The following IRF5 variants were observed in gnomAD, a reference collection of about 807,000 sequenced individuals.
IRF5 encodes the protein interferon regulatory factor 5.
IRF5 carries 24 observed loss-of-function variants against 55.1 expected under a neutral mutation model. That is an observed-to-expected ratio of 0.44 (90% CI 0.32 to 0.61). IRF5 has a LOEUF of 0.61. IRF5 is among the 20% of genes least tolerant of loss of function. The pLI is 0.07. For missense variants in IRF5, 499 were observed against 658.5 expected (o/e 0.76, Z 2.65); for synonymous variants, 258 against 260.2 (o/e 0.99, Z 0.08).
intron 1 of IRF5, among the ~76,000 whole-genome samples, chr7:128,939,199 C>G (rs1795893318): frequency 6.6e-6 from 1 of 152,104 alleles, no homozygotes; most frequent in African/African-American, 2.4e-5. Flanking sequence ...CAAGACCTCC[C>G]CTTCCTGCCC....
chr7:128,943,294 G>A (rs536632041), intron 2 of IRF5, among the ~76,000 whole-genome samples: 181 of 151,146 alleles, frequency 1.2e-3, no homozygotes, highest in Admixed American at 0.011. Context: ...GCCTCCCAGA[G>A]TGCTGGGATT....
chr7:128,946,828 G>A lies in IRF5; in HGVS notation c.448-195G>A. On this transcript the variant is annotated intron_variant, in intron 4 of 8. Coordinates refer to ENST00000357234, the MANE Select transcript of IRF5 (RefSeq NM_001098629.3). This position sits in a 1 kb window ranked among gnomAD's most constrained non-coding sequence, Gnocchi z 4.2. ...CCTGCAGAAGGCAAATGAGGAAAGT[G>A]AGGCAAAGGGCTTTTCTGACCTGCC... 1 of 702,154 alleles carries A rather than the reference G, an allele frequency of 1.4e-6. No homozygotes were observed. Among genetic ancestry groups the A allele is most frequent in the Non-Finnish European group, 2.5e-6 (1 of 405,688 alleles). 43.5% of individuals were successfully genotyped at this position (702,154 alleles called of 1,614,324 possible). A position where few individuals can be genotyped will look rare whatever the true frequency, so the allele number is the denominator to read the frequency against.
chr7:128,947,354 G>A lies in IRF5; in HGVS notation c.606G>A (p.Pro202=), dbSNP rs779451006. The part of the protein sequence containing the change: ...PPTLQPPTLQ[P]PVVLGPPAPD... ...CTCTGCAGCCGCCCACTCTGCAGCC[G>A]CCCGTGGTGCTGGGTCCCCCTGCTC... The change falls in exon 6 of 9, where the codon CCG becomes CCA. Residue 202 remains proline, a synonymous_variant. Transcript: ENST00000357234. This position sits in a 1 kb window ranked among gnomAD's most constrained non-coding sequence, Gnocchi z 6.5. The A allele has an allele frequency of 3.3e-5, 53 of 1,606,952 alleles. No individual in the cohort carries two copies. In the South Asian group the frequency reaches 4.5e-4, roughly 14 times the overall value.
intron 2 of IRF5, among the ~76,000 whole-genome samples, 186 bp downstream of exon 2, chr7:128,942,462 T>TA (rs1288323402): frequency 2.0e-5 from 3 of 151,808 alleles, no homozygotes; most frequent in Non-Finnish European, 4.4e-5. Flanking sequence ...TTCCTTTTTT[T>TA]TTTTTTTTAA....
intron 1 of IRF5, among the ~76,000 whole-genome samples, chr7:128,939,739 G>T (rs1795922610): frequency 6.6e-6 from 1 of 152,204 alleles, no homozygotes; most frequent in Non-Finnish European, 1.5e-5. Context: ...ACCTCAGCAG[G>T]TCCTCTAGGG....
At chr7:128,942,379 C>T (rs1354542803) in intron 2 of IRF5, 103 bp downstream of exon 2, 3 of 979,514 alleles carry the variant, frequency 3.1e-6, no homozygotes, top group Non-Finnish European at 4.5e-6. Context: ...TGGCCACCCG[C>T]CCAGCTACCA....
chr7:128,944,555 T>A (rs1176452135), intron 2 of IRF5, among the ~76,000 whole-genome samples: 3 of 152,190 alleles, frequency 2.0e-5, no homozygotes, highest in Non-Finnish European at 4.4e-5. Context: ...AAAGTCTCCC[T>A]CCTTCCCTGG....
intron 2 of IRF5, 112 bp downstream of exon 2, chr7:128,942,388 C>T: frequency 3.5e-6 from 3 of 868,140 alleles, no homozygotes; most frequent in Non-Finnish European, 5.2e-6. Context: ...GCCCAGCTAC[C>T]ATGCTGCTGC....
At position 128,947,007 on chromosome 7, in the gene IRF5, G is replaced by T. The variant is rs770852885; in HGVS notation, c.448-16G>T. ...TCTCCCATCTCTTCCCTCCCTTGCT[G>T]GTGGTGTCCCTTCAGCTGCAGAGGA... On this transcript the variant is annotated splice_polypyrimidine_tract_variant and intron_variant, in intron 4 of 8. Coordinates refer to ENST00000357234, the MANE Select transcript of IRF5 (RefSeq NM_001098629.3). This position sits in a 1 kb window ranked among gnomAD's most constrained non-coding sequence, Gnocchi z 6.5. 3.3e-5 allele frequency: 53 copies of T among 1,613,936 alleles called. No homozygotes were observed. The South Asian group carries it at 3.6e-4, about 11-fold the overall frequency.
intron 2 of IRF5, 111 bp downstream of exon 2, chr7:128,942,387 C>T (rs1052528343): frequency 4.5e-6 from 4 of 887,524 alleles, no homozygotes; most frequent in Admixed American, 2.7e-5. Flanking sequence ...CGCCCAGCTA[C>T]CATGCTGCTG....
Position 128,942,112 on chromosome 7 carries a change from C to G in IRF5, c.31C>G (p.Pro11Ala), listed in dbSNP as rs760492792. The stretch of plus-strand genomic sequence containing the variant: ...CCAGTCCATCCCAGTGGCTCCCACC[C>G]CACCCCGCCGCGTGCGGCTGAAGCC... MNQSIPVAPTPPRRVRLKPWL... is the reference protein window; with the variant it reads MNQSIPVAPTAPRRVRLKPWL... The change falls in exon 2 of 9, where the codon CCA becomes GCA. Residue 11 changes from proline (P) to alanine (A), a missense_variant. Coordinates refer to ENST00000357234, the MANE Select transcript of IRF5 (RefSeq NM_001098629.3). The G allele has an allele frequency of 3.1e-6, 5 of 1,611,026 alleles. No individual in the cohort carries two copies. Among genetic ancestry groups the G allele is most frequent in the Non-Finnish European group, 4.2e-6 (5 of 1,178,982 alleles).
chr7:128,942,074 C>T lies in IRF5; in HGVS notation c.-8C>T, dbSNP rs1199400579. Reference sequence around the variant, plus strand: ...CCCCTCTGGCTTTCTCCTGCAGACCCCTCTGCCATGAACCAGTCCATCCCA... The same window carrying T: ...CCCCTCTGGCTTTCTCCTGCAGACCTCTCTGCCATGAACCAGTCCATCCCA... On this transcript the variant is annotated 5_prime_UTR_variant, in exon 2 of 9. Transcript: ENST00000357234. 6.3e-7 allele frequency: 1 copy of T among 1,597,476 alleles called. No homozygotes were observed. Among genetic ancestry groups the T allele is most frequent in the Non-Finnish European group, 8.5e-7 (1 of 1,171,468 alleles).
At chr7:128,945,412 AACCCCTTGAGTCTTCGCTGCC>A (rs1796244196) in intron 2 of IRF5, among the ~76,000 whole-genome samples, 1 of 152,150 alleles carries the variant, frequency 6.6e-6, no homozygotes, top group African/African-American at 2.4e-5. Context: ...AGCCAACATC[AACCCCTTGAGTCTTCGCTGCC>A]ACTCCATGAG....
chr7:128,947,190 GGA>G lies in IRF5; in HGVS notation c.482-38_482-37del. On this transcript the variant is annotated intron_variant, in intron 5 of 8. Coordinates refer to ENST00000357234, the MANE Select transcript of IRF5 (RefSeq NM_001098629.3). The surrounding 1 kb of genome is among the most constrained non-coding windows in gnomAD (Gnocchi z 6.5). ...GAGGTGTGCCTGGGAGGCAGTTCGT[GGA>G]GGTGGCACTGACAGCCGTCCACACG... 4.4e-6 allele frequency: 7 copies of G among 1,599,360 alleles called. No individual in the cohort carries two copies. Among genetic ancestry groups the G allele is most frequent in the Non-Finnish European group, 6.0e-6 (7 of 1,171,530 alleles).
At position 128,948,937 on chromosome 7, in the gene IRF5, G is replaced by A; in HGVS notation, c.*119G>A. Reference sequence around the variant, plus strand: ...CAGGGTCCTACCTCTGGGTTTCCTGGAAGTGGATTTGGGCCAAGAAGGAGA... The same window carrying A: ...CAGGGTCCTACCTCTGGGTTTCCTGAAAGTGGATTTGGGCCAAGAAGGAGA... On this transcript the variant is annotated 3_prime_UTR_variant, in exon 9 of 9. Coordinates refer to ENST00000357234, the MANE Select transcript of IRF5 (RefSeq NM_001098629.3). The surrounding 1 kb of genome is among the most constrained non-coding windows in gnomAD (Gnocchi z 4.6). 2 of 1,302,468 alleles carry A rather than the reference G, an allele frequency of 1.5e-6. No homozygotes were observed. Among genetic ancestry groups the A allele is most frequent in the South Asian group, 2.9e-5 (2 of 69,016 alleles). The allele number at this position is 1,302,468 out of a possible 1,614,324, so 80.7% of individuals were successfully genotyped here.
rs1217467958 is a variant in IRF5 at position 128,947,940 on chromosome 7, G to A, written c.999G>A (p.Leu333=). The A allele has an allele frequency of 1.2e-6, 2 of 1,614,170 alleles. No homozygotes were observed. Among genetic ancestry groups the A allele is most frequent in the Admixed American group, 3.3e-5 (2 of 60,032 alleles). Residue 333 remains leucine (L), a synonymous_variant, in exon 7 of 9, where the codon CTG becomes CTA. Transcript: ENST00000357234. This position sits in a 1 kb window ranked among gnomAD's most constrained non-coding sequence, Gnocchi z 6.5. ...SDKQRFYTNQ[L]LDVLDRGLIL... ...AGCAGCGCTTCTACACGAACCAGCTGCTGGATGTCCTGGACCGCGGGCTCA... is the reference window on the plus strand; with the variant it reads ...AGCAGCGCTTCTACACGAACCAGCTACTGGATGTCCTGGACCGCGGGCTCA...
intron 2 of IRF5, among the ~76,000 whole-genome samples, chr7:128,944,158 C>G (rs1281050362): frequency 6.6e-6 from 1 of 152,216 alleles, no homozygotes; most frequent in Non-Finnish European, 1.5e-5. Context: ...ATATCAGGAT[C>G]AGCTTTCCTT....
chr7:128,939,069 G>T (rs1424613636), intron 1 of IRF5, among the ~76,000 whole-genome samples: 1 of 151,128 alleles, frequency 6.6e-6, no homozygotes, highest in Non-Finnish European at 1.5e-5. Context: ...GGGAGCAGGG[G>T]CGGAGGACTG....
Position 128,945,940 on chromosome 7 carries a change from C to G in IRF5, c.291C>G (p.Ser97Arg). Residue 97 changes from serine to arginine, a missense_variant, in exon 3 of 9, where the codon AGC becomes AGG. Around this residue, in one of 2 missense-constraint regions of IRF5, gnomAD observed 305 missense variants for 340.2 expected, o/e 0.90. Transcript: ENST00000357234. ...KANLRCALNK[S>R]RDFRLIYDGP... ...ACCTGCGCTGTGCCCTTAACAAGAG[C>G]CGGGACTTCCGCCTCATCTACGACG... The G allele has an allele frequency of 1.2e-6, 2 of 1,613,614 alleles. No homozygotes were observed. Among genetic ancestry groups the G allele is most frequent in the Non-Finnish European group, 8.5e-7 (1 of 1,179,870 alleles).
Sources: allele counts gnomAD v4.1 joint callset (sites outside exome capture counted in the v4.1 genomes callset), GRCh38; gene constraint gnomAD v4.1.1; regional missense constraint gnomAD v4.1.1; non-coding constraint Gnocchi (gnomAD v3.1); transcripts MANE v1.5; gene names NCBI Gene and HGNC (gene_info 2026-07-23, HGNC 2026-07-21).